The following NAV1 variants were observed in gnomAD, a reference collection of about 807,000 sequenced individuals.
The protein encoded by NAV1 is neuron navigator 1.
NAV1 carries 18 observed loss-of-function variants against 175.2 expected under a neutral mutation model. The observed-to-expected ratio is 0.10, with a 90% CI of 0.07 to 0.15. The LOEUF (loss-of-function observed/expected upper bound fraction) is 0.15, where lower values mean the gene tolerates loss of function less well. Ranked by LOEUF, NAV1 falls within the 10% of genes least tolerant of loss-of-function variation. NAV1 has a pLI of 1.00. For missense variants in NAV1, 1,731 were observed against 2,436.6 expected (o/e 0.71, Z 6.10); for synonymous variants, 897 against 978.7 (o/e 0.92, Z 1.56).
chr1:201,815,663 T>C (rs1047149110), intron 28 of NAV1, among the ~76,000 whole-genome samples: 5 of 152,178 alleles, frequency 3.3e-5, no homozygotes, highest in African/African-American at 7.2e-5. Context: ...TCAAGAGATA[T>C]ATTGTACCAT....
At chr1:201,699,068 T>TA (rs1414001930) in intron 1 of NAV1, among the ~76,000 whole-genome samples, 1 of 152,178 alleles carries the variant, frequency 6.6e-6, no homozygotes. Flanking sequence ...CTATTCAACA[T>TA]AGTGTTGGAA....
chr1:201,785,771 G>T (rs1289371032), intron 8 of NAV1, among the ~76,000 whole-genome samples: 1 of 150,768 alleles, frequency 6.6e-6, no homozygotes, highest in Non-Finnish European at 1.5e-5. Flanking sequence ...TGTTCAGTTG[G>T]GTGGCAACTA....
exon 30 of NAV1, chr1:201,820,945 A>G (rs1679344657): frequency 6.6e-6 from 1 of 151,872 alleles, no homozygotes; most frequent in East Asian, 1.9e-4. Flanking sequence ...TGCAATTGGC[A>G]TGACACCTGC....
intron 3 of NAV1, among the ~76,000 whole-genome samples, chr1:201,738,252 C>T (rs969938615): frequency 4.6e-5 from 7 of 152,010 alleles, no homozygotes; most frequent in African/African-American, 1.4e-4. Flanking sequence ...GAGGGATTGG[C>T]GCTAGGATCA....
intron 3 of NAV1, among the ~76,000 whole-genome samples, chr1:201,766,947 G>A (rs1389763193): frequency 6.6e-5 from 10 of 151,562 alleles, no homozygotes; most frequent in Non-Finnish European, 7.4e-5. Context: ...TCAGCCTCCC[G>A]AGTAGCTGGG....
intron 1 of NAV1, among the ~76,000 whole-genome samples, chr1:201,542,367 G>A (rs1033954512): frequency 6.6e-6 from 1 of 152,156 alleles, no homozygotes; most frequent in African/African-American, 2.4e-5. Flanking sequence ...TAAGAAATGT[G>A]GCAATACTTG....
chr1:201,810,308 C>A lies in NAV1; in HGVS notation c.4561+203C>A, dbSNP rs1463761842. On this transcript the variant is annotated intron_variant, in intron 23 of 29. Coordinates refer to ENST00000367296, the Ensembl canonical transcript of NAV1. This position sits in a 1 kb window ranked among gnomAD's most constrained non-coding sequence, Gnocchi z 6.0. ...GGACACTTTTGCTAAGCCTTGGCTT[C>A]TTGCTTCACTCCTCACCCCCAGCTC... is the stretch of plus-strand genomic sequence containing the variant. Among the ~76,000 whole-genome samples, 1 of 152,110 alleles carries A rather than the reference C, an allele frequency of 6.6e-6. No homozygotes were observed. Among genetic ancestry groups the A allele is most frequent in the African/African-American group, 2.4e-5 (1 of 41,416 alleles).
intron 1 of NAV1, chr1:201,672,991 A>C (rs1670102397): frequency 6.6e-6 from 1 of 152,228 alleles, no homozygotes. Context: ...GCCAATCAGC[A>C]AGCAGTACCG....
At chr1:201,623,474 C>T (rs1668236589) in exon 1 of NAV1, 1 of 986,036 alleles carries the variant, frequency 1.0e-6, no homozygotes, top group African/African-American at 1.7e-5. Context: ...GGGGCAGCTT[C>T]GTGGGCTTCC....
chr1:201,648,368 A>C, exon 1 of NAV1: 1 of 1,208,116 alleles, frequency 8.3e-7, no homozygotes. Context: ...TTTAAATTTT[A>C]ATTTGTATTT....
At chr1:201,811,301 C>T (rs1453164071) in intron 24 of NAV1, among the ~76,000 whole-genome samples, 1 of 152,176 alleles carries the variant, frequency 6.6e-6, no homozygotes. Context: ...GATCTTTGCT[C>T]TTCCCAGCTC....
chr1:201,810,512 TG>T lies in NAV1; in HGVS notation c.4562-6del, dbSNP rs1678622252. 1 of 1,599,286 alleles carries T rather than the reference TG, an allele frequency of 6.3e-7. No homozygotes were observed. Among genetic ancestry groups the T allele is most frequent in the Non-Finnish European group, 8.5e-7 (1 of 1,173,126 alleles). ...TGGTCAATACTCATGCTTTCTGGGG[TG>T]GGGGTTCAGGTCTGAAGGAGAAATG... On this transcript the variant is annotated splice_polypyrimidine_tract_variant and intron_variant, in intron 23 of 29. Coordinates refer to ENST00000367296, the Ensembl canonical transcript of NAV1. This position sits in a 1 kb window ranked among gnomAD's most constrained non-coding sequence, Gnocchi z 6.0.
At chr1:201,658,410 G>A (rs755080686) in intron 1 of NAV1, among the ~76,000 whole-genome samples, 4 of 152,152 alleles carry the variant, frequency 2.6e-5, no homozygotes, top group Admixed American at 6.5e-5. Context: ...GTGGGGAGGG[G>A]ACATGCTACA....
chr1:201,803,381 T>A (rs1678063733), intron 15 of NAV1, among the ~76,000 whole-genome samples: 1 of 152,246 alleles, frequency 6.6e-6, no homozygotes, highest in African/African-American at 2.4e-5. Context: ...GAATCATTTC[T>A]TATTTAATTC....
intron 1 of NAV1, among the ~76,000 whole-genome samples, chr1:201,547,640 G>A (rs1286419852): frequency 6.6e-6 from 1 of 152,168 alleles, no homozygotes; most frequent in Admixed American, 6.5e-5. Flanking sequence ...TTGCAGTTCA[G>A]AGAGTTATCT....
At chr1:201,790,986 A>C (rs1677082052) in intron 13 of NAV1, 1 of 559,030 alleles carries the variant, frequency 1.8e-6, no homozygotes, top group Admixed American at 3.1e-5. Context: ...TACTCTAATT[A>C]ATAGGTATGG....
intron 1 of NAV1, among the ~76,000 whole-genome samples, chr1:201,549,630 T>A (rs552621748): frequency 2.0e-4 from 30 of 152,122 alleles, no homozygotes; most frequent in African/African-American, 7.0e-4. Context: ...CATTTACTGA[T>A]AATCTTTAAG....
At chr1:201,767,318 G>C (rs1245223794) in intron 3 of NAV1, among the ~76,000 whole-genome samples, 1 of 151,728 alleles carries the variant, frequency 6.6e-6, no homozygotes, top group African/African-American at 2.4e-5. Context: ...GGGCATGGTG[G>C]TGGGCACCTG....
intron 3 of NAV1, among the ~76,000 whole-genome samples, chr1:201,760,949 G>A (rs548612349): frequency 6.6e-6 from 1 of 152,258 alleles, no homozygotes; most frequent in African/African-American, 2.4e-5. Context: ...TTAATATTTG[G>A]AATTTGTGTT....
Sources: gnomAD v4.1 joint callset for allele counts (sites outside exome capture counted in the v4.1 genomes callset) on GRCh38, gnomAD v4.1.1 for gene constraint, Gnocchi (gnomAD v3.1) non-coding constraint, MANE v1.5 for transcripts, NCBI Gene and HGNC (gene_info 2026-07-23, HGNC 2026-07-21) for gene names.